Variants in NFIB observed in about 807,000 individuals in gnomAD.
NFIB encodes nuclear factor I B.
NFIB carries 11 observed loss-of-function variants against 61.5 expected under a neutral mutation model. The observed-to-expected ratio is 0.18, with a 90% CI of 0.11 to 0.30. The LOEUF (loss-of-function observed/expected upper bound fraction) is 0.30, where lower values mean the gene tolerates loss of function less well. NFIB is among the 10% of genes least tolerant of loss of function. The pLI, the probability that NFIB is intolerant of heterozygous loss-of-function variation, is 1.00. For missense variants in NFIB, 471 were observed against 608.9 expected (o/e 0.77, Z 2.38); for synonymous variants, 260 against 216.5 (o/e 1.20, Z -1.76).
intron 2 of NFIB, among the ~76,000 whole-genome samples, chr9:14,247,540 C>T (rs2055071604): frequency 6.6e-6 from 1 of 152,234 alleles, no homozygotes. Flanking sequence ...GTCAGGAGGG[C>T]CATCTGACAC....
At chr9:14,465,603 ACAC>A in the NFIB span, among the ~76,000 whole-genome samples, 1 of 150,162 alleles carries the variant, frequency 6.7e-6, no homozygotes, top group Non-Finnish European at 1.5e-5. Context: ...ACACACACAC[ACAC>A]ACGCCCTACC....
chr9:14,220,029 C>T (rs577066934), intron 2 of NFIB, among the ~76,000 whole-genome samples: 2 of 152,290 alleles, frequency 1.3e-5, no homozygotes, highest in South Asian at 4.1e-4. Flanking sequence ...AGGCCCTCGT[C>T]CCTGGTAAAC....
At chr9:14,324,805 C>T (rs1423547636) in intron 1 of NFIB, among the ~76,000 whole-genome samples, 3 of 152,006 alleles carry the variant, frequency 2.0e-5, no homozygotes, top group African/African-American at 4.8e-5. Flanking sequence ...TATAATGATA[C>T]TTATTCCTAT....
chr9:14,182,981 T>C (rs2046972800), intron 2 of NFIB, among the ~76,000 whole-genome samples: 1 of 152,068 alleles, frequency 6.6e-6, no homozygotes, highest in Non-Finnish European at 1.5e-5. Flanking sequence ...ATATTAAGCA[T>C]AGAGCCACAT....
At chr9:14,431,645 T>C in the NFIB span, among the ~76,000 whole-genome samples, 3 of 151,824 alleles carry the variant, frequency 2.0e-5, no homozygotes, top group Non-Finnish European at 4.4e-5. Flanking sequence ...TTTTTTTTTT[T>C]TTTACTGTGA....
At chr9:14,311,643 T>A (rs1254584557) in intron 1 of NFIB, among the ~76,000 whole-genome samples, 2 of 152,212 alleles carry the variant, frequency 1.3e-5, no homozygotes, top group Admixed American at 6.5e-5. Context: ...TGCTGCAATA[T>A]TATCTTTAAC....
At chr9:14,129,861 AAAGC>A (rs1208143264) in intron 6 of NFIB, among the ~76,000 whole-genome samples, 1 of 152,218 alleles carries the variant, frequency 6.6e-6, no homozygotes, top group Non-Finnish European at 1.5e-5. Flanking sequence ...TACATAAAAT[AAAGC>A]AGCTGAAAAG....
chr9:14,414,505 T>G, the NFIB span, among the ~76,000 whole-genome samples: 1 of 144,004 alleles, frequency 6.9e-6, no homozygotes, highest in Admixed American at 6.8e-5. Flanking sequence ...CTTTCTCACG[T>G]TTTGTATTTT....
At chr9:14,405,671 G>C in the NFIB span, among the ~76,000 whole-genome samples, 2 of 152,188 alleles carry the variant, frequency 1.3e-5, no homozygotes, top group African/African-American at 2.4e-5. Context: ...AAATGAAATG[G>C]AATGTCAGAA....
intron 2 of NFIB, among the ~76,000 whole-genome samples, chr9:14,201,710 TTA>T (rs1254197535): frequency 6.6e-6 from 1 of 152,106 alleles, no homozygotes; most frequent in Non-Finnish European, 1.5e-5. Context: ...GGGAATCTAT[TTA>T]AATGGCATAC....
At chr9:14,220,426 T>C (rs1309771448) in intron 2 of NFIB, among the ~76,000 whole-genome samples, 1 of 152,188 alleles carries the variant, frequency 6.6e-6, no homozygotes, top group East Asian at 1.9e-4. Flanking sequence ...GGGAAAGACA[T>C]GGCATTCTCC....
chr9:14,370,920 C>G (rs577765510), intron 1 of NFIB, among the ~76,000 whole-genome samples: 2 of 152,234 alleles, frequency 1.3e-5, no homozygotes, highest in Admixed American at 1.3e-4. Context: ...CGTGGCGAAA[C>G]CCCATCTCTA....
At chr9:14,512,001 A>G in the NFIB span, among the ~76,000 whole-genome samples, 1 of 152,246 alleles carries the variant, frequency 6.6e-6, no homozygotes, top group African/African-American at 2.4e-5. Flanking sequence ...TTAGGTATAA[A>G]GAACAGATTC....
intron 3 of NFIB, among the ~76,000 whole-genome samples, chr9:14,170,279 G>A (rs2045420092): frequency 6.6e-6 from 1 of 152,186 alleles, no homozygotes; most frequent in South Asian, 2.1e-4. Context: ...GGCAAAAGCA[G>A]ATCTTGTAAA....
chr9:14,137,485 T>G lies in NFIB; in HGVS notation c.925+9204A>C, dbSNP rs142704751. Among the ~76,000 whole-genome samples the G allele has an allele frequency of 3.2e-3, 493 of 152,328 alleles. 1 individual carries two copies. Among genetic ancestry groups the G allele is most frequent in the Non-Finnish European group, 5.5e-3 (375 of 68,014 alleles). ...GACGGCTTTGGAAAGACTCAAGTACTGAAGATCTTCAAATTCTTGGACTCC... is the reference window on the plus strand; with the variant it reads ...GACGGCTTTGGAAAGACTCAAGTACGGAAGATCTTCAAATTCTTGGACTCC... On this transcript the variant is annotated intron_variant, in intron 6 of 10. Coordinates refer to ENST00000380953, the MANE Select transcript of NFIB (RefSeq NM_001190737.2).
chr9:14,358,764 C>T (rs1164777661), intron 1 of NFIB, among the ~76,000 whole-genome samples: 1 of 152,202 alleles, frequency 6.6e-6, no homozygotes, highest in African/African-American at 2.4e-5. Flanking sequence ...TGGTCTGTTG[C>T]AGCCAACTCA....
chr9:14,453,125 G>T, the NFIB span, among the ~76,000 whole-genome samples: 1 of 152,152 alleles, frequency 6.6e-6, no homozygotes, highest in Non-Finnish European at 1.5e-5. Context: ...CTTGTTCAGG[G>T]TATCTTTTGT....
rs532391945 is a variant in NFIB, at chr9:14,122,410, A to AG, written c.1061-1787dup. ...ACAGACCTAGGGGATCAGGACCTCTAGGGGTAAGGCACCAAAATGTATATT... is the reference window on the plus strand; with the variant it reads ...ACAGACCTAGGGGATCAGGACCTCTAGGGGGTAAGGCACCAAAATGTATATT... On this transcript the variant is annotated intron_variant, in intron 7 of 10. Transcript: ENST00000380953. 2.6e-4 allele frequency among the ~76,000 whole-genome samples: 40 copies of AG among 152,288 alleles called. No individual in the cohort carries two copies. The South Asian group carries it at 3.1e-3, about 12-fold the overall frequency.
chr9:14,305,197 G>GAGCT (rs1319219285), intron 2 of NFIB, among the ~76,000 whole-genome samples: 1 of 152,058 alleles, frequency 6.6e-6, no homozygotes, highest in Non-Finnish European at 1.5e-5. Context: ...AAAACTAAGA[G>GAGCT]AGCTGGCTGC....
Sources: allele counts gnomAD v4.1 joint callset (sites outside exome capture counted in the v4.1 genomes callset), GRCh38; gene constraint gnomAD v4.1.1; transcripts MANE v1.5; gene names NCBI Gene and HGNC (gene_info 2026-07-23, HGNC 2026-07-21).